CREB3L1: variants seen among roughly 807,000 people sequenced by gnomAD.
CREB3L1 encodes the protein cAMP responsive element binding protein 3 like 1.
CREB3L1 carries 33 observed loss-of-function variants against 54.5 expected under a neutral mutation model. The observed-to-expected ratio is 0.61, with a 90% CI of 0.46 to 0.81. The LOEUF is 0.81. CREB3L1 is among the 30% of genes least tolerant of loss of function. CREB3L1 has a pLI of 0.00. For missense variants in CREB3L1, 656 were observed against 673.3 expected (o/e 0.97, Z 0.29); for synonymous variants, 284 against 286.4 (o/e 0.99, Z 0.08).
Position 46,305,726 on chromosome 11 carries a change from GTGTGTGTA to G in CREB3L1, c.332-2088_332-2081del, listed in dbSNP as rs536538157. Among the ~76,000 whole-genome samples, 220 of 121,518 alleles carry G rather than the reference GTGTGTGTA, an allele frequency of 1.8e-3. 1 individual carries two copies. Among genetic ancestry groups the G allele is most frequent in the African/African-American group, 7.4e-3 (192 of 25,990 alleles). The allele number at this position is 121,518 out of a possible 152,430, so 79.7% of individuals were successfully genotyped here. A position where few individuals can be genotyped will look rare whatever the true frequency, so the allele number is the denominator to read the frequency against. On this transcript the variant is annotated intron_variant, in intron 2 of 11. Coordinates refer to ENST00000621158, the MANE Select transcript of CREB3L1 (RefSeq NM_052854.4). ...TGTGTGTGTGTGTGTGTGTGTGTGT[GTGTGTGTA>G]TATATATATATATTTTTTTTTAAGA...
Position 46,317,345 on chromosome 11 carries a change from CTCTCT to C in CREB3L1, c.1132-14_1132-10del, listed in dbSNP as rs1278381270. 6.2e-7 allele frequency: 1 copy of C among 1,613,924 alleles called. No individual in the cohort carries two copies. Among genetic ancestry groups the C allele is most frequent in the Non-Finnish European group, 8.5e-7 (1 of 1,179,824 alleles). ...TCCTTACCCCAGATCTGATGCCACT[CTCTCT>C]TTGCTACCAGGTGGCAGCCTTGTGC... On this transcript the variant is annotated splice_polypyrimidine_tract_variant and intron_variant, in intron 9 of 11. Coordinates refer to ENST00000621158, the MANE Select transcript of CREB3L1 (RefSeq NM_052854.4).
At chr11:46,297,914 T>G (rs1939236676) in intron 1 of CREB3L1, among the ~76,000 whole-genome samples, 1 of 152,228 alleles carries the variant, frequency 6.6e-6, no homozygotes, top group Non-Finnish European at 1.5e-5. Flanking sequence ...GGCACTGTTC[T>G]GTGTTTTATA....
chr11:46,320,655 G>T, intron 11 of CREB3L1, 55 bp from the exon 12 acceptor site: 1 of 1,582,642 alleles, frequency 6.3e-7, no homozygotes, highest in Non-Finnish European at 8.6e-7. Context: ...CCAGCTTGCA[G>T]AGGGTAAGAG....
chr11:46,316,352 G>A lies in CREB3L1; in HGVS notation c.1098G>A (p.Lys366=). 1 of 1,573,742 alleles carries A rather than the reference G, an allele frequency of 6.4e-7. No individual in the cohort carries two copies. The highest frequency in any genetic ancestry group is 8.6e-7 in the Non-Finnish European group (1 of 1,159,812). ...LVTNKISRPY[K]MAATQTGTCL... is the part of the protein sequence containing the mutation. ...CCAACAAGATCTCCAGACCTTACAAGATGGCCGCCACCCAGACTGGGACCT... is the reference window on the plus strand; with the variant it reads ...CCAACAAGATCTCCAGACCTTACAAAATGGCCGCCACCCAGACTGGGACCT... Residue 366 remains lysine, a synonymous_variant, in exon 9 of 12, where the codon AAG becomes AAA. Coordinates refer to ENST00000621158, the MANE Select transcript of CREB3L1 (RefSeq NM_052854.4).
At chr11:46,309,142 T>C (rs1192465550) in intron 3 of CREB3L1, among the ~76,000 whole-genome samples, 1 of 152,188 alleles carries the variant, frequency 6.6e-6, no homozygotes, top group Non-Finnish European at 1.5e-5. Flanking sequence ...TCTCTGTCAC[T>C]TGAGGGCTGA....
intron 10 of CREB3L1, among the ~76,000 whole-genome samples, chr11:46,319,843 C>T (rs889710144): frequency 6.6e-6 from 1 of 150,436 alleles, no homozygotes. Context: ...CCTGCCATTG[C>T]ACTCCAGCCT....
chr11:46,281,662 C>G (rs1938976328), intron 1 of CREB3L1, among the ~76,000 whole-genome samples: 1 of 152,226 alleles, frequency 6.6e-6, no homozygotes, highest in South Asian at 2.1e-4. Flanking sequence ...CTACTCCCCA[C>G]ACGCCTAGCC....
chr11:46,280,197 G>GTTTT, intron 1 of CREB3L1, among the ~76,000 whole-genome samples: 1 of 145,218 alleles, frequency 6.9e-6, no homozygotes, highest in Non-Finnish European at 1.5e-5. Context: ...TTTGTTTTTT[G>GTTTT]TTTTTTTTCA....
chr11:46,317,289 G>C (rs1407876772), intron 9 of CREB3L1, 72 bp from the exon 10 acceptor site: 2 of 1,586,112 alleles, frequency 1.3e-6, no homozygotes, highest in African/African-American at 2.7e-5. Flanking sequence ...GTTTGGGAGA[G>C]GAGGAGTGGG....
intron 1 of CREB3L1, among the ~76,000 whole-genome samples, chr11:46,296,716 G>C (rs1939215907): frequency 6.6e-6 from 1 of 152,150 alleles, no homozygotes; most frequent in African/African-American, 2.4e-5. Context: ...GCGCAAAGAG[G>C]ACCTGGGCGT....
chr11:46,312,214 A>T, intron 5 of CREB3L1, 111 bp from the exon 6 acceptor site: 1 of 870,076 alleles, frequency 1.1e-6, no homozygotes, highest in South Asian at 1.9e-5. Flanking sequence ...GAGGAAACTG[A>T]GGCATAGAGC....
intron 3 of CREB3L1, 66 bp downstream of exon 3, chr11:46,308,066 G>A (rs1164463150): frequency 4.2e-5 from 58 of 1,371,076 alleles, no homozygotes; most frequent in Non-Finnish European, 5.4e-5. Flanking sequence ...GTGGGAAGAG[G>A]TGCCCAAAGC....
At chr11:46,303,876 C>T (rs188230642) in intron 2 of CREB3L1, among the ~76,000 whole-genome samples, 18 of 152,206 alleles carry the variant, frequency 1.2e-4, no homozygotes, top group African/African-American at 3.9e-4. Context: ...CATGGTGGCA[C>T]ATGCCTGTAG....
chr11:46,309,903 A>G (rs1298803320), intron 3 of CREB3L1, 86 bp from the exon 4 acceptor site: 1 of 1,112,768 alleles, frequency 9.0e-7, no homozygotes, highest in East Asian at 2.6e-5. Flanking sequence ...AGGGCAGGCA[A>G]CCAGCTTTAG....
At chr11:46,316,249 G>A (rs1202282690) in intron 8 of CREB3L1, 37 bp from the exon 9 acceptor site, 1 of 1,402,282 alleles carries the variant, frequency 7.1e-7, no homozygotes, top group East Asian at 2.5e-5. Context: ...TGCCTGCGGG[G>A]TCAAAGCCTG....
At chr11:46,318,217 C>CA (rs11422396) in intron 10 of CREB3L1, among the ~76,000 whole-genome samples, 52,636 of 147,792 alleles carry the variant, frequency 0.36, 14,627 homozygotes, top group African/African-American at 0.79. Context: ...GACTCCATCT[C>CA]AAAAAAAAAA....
At chr11:46,291,168 T>C (rs1939123925) in intron 1 of CREB3L1, among the ~76,000 whole-genome samples, 2 of 152,200 alleles carry the variant, frequency 1.3e-5, no homozygotes, top group Admixed American at 1.3e-4. Flanking sequence ...AGTCCTTCTC[T>C]TCTCCTTGGA....
chr11:46,282,066 G>A (rs1203080669), intron 1 of CREB3L1, among the ~76,000 whole-genome samples: 2 of 152,120 alleles, frequency 1.3e-5, no homozygotes, highest in African/African-American at 4.8e-5. Flanking sequence ...CTTGAGTCAG[G>A]GGCTTGGTCT....
At chr11:46,285,660 T>C (rs944567188) in intron 1 of CREB3L1, among the ~76,000 whole-genome samples, 1 of 152,146 alleles carries the variant, frequency 6.6e-6, no homozygotes, top group Non-Finnish European at 1.5e-5. Flanking sequence ...CCTCCTCCCC[T>C]AATTCCCCTG....
Sources: gnomAD v4.1 joint callset for allele counts (sites outside exome capture counted in the v4.1 genomes callset) on GRCh38, gnomAD v4.1.1 for gene constraint, MANE v1.5 for transcripts, NCBI Gene and HGNC (gene_info 2026-07-23, HGNC 2026-07-21) for gene names.